The following FAM167A variants were observed in gnomAD, a reference collection of about 807,000 sequenced individuals.
FAM167A encodes protein FAM167A.
A neutral mutation model predicts 14.9 loss-of-function variants in FAM167A; 23 were observed. The observed-to-expected ratio is 1.55, with a 90% confidence interval of 1.11 to 2.19. FAM167A has a LOEUF of 2.19. Ranked by LOEUF, FAM167A falls within the 30% of genes most tolerant of loss-of-function variation. The pLI, the probability that FAM167A is intolerant of heterozygous loss-of-function variation, is 0.00. For missense variants in FAM167A, 401 were observed against 281.5 expected, an observed-to-expected ratio of 1.42 and a Z score of -3.04; for synonymous variants, 174 against 117.7, an observed-to-expected ratio of 1.48 and a Z score of -3.10.
intron 1 of FAM167A, chr8:11,445,551 A>C: frequency 1.0e-6 from 1 of 985,536 alleles, no homozygotes; most frequent in Non-Finnish European, 1.2e-6. Context: ...GTGTTCACCT[A>C]AGTGCCCGCA....
chr8:11,461,323 G>C (rs1003456267), intron 1 of FAM167A, among the ~76,000 whole-genome samples: 4 of 152,282 alleles, frequency 2.6e-5, no homozygotes, highest in African/African-American at 9.6e-5. Context: ...AAAAAGAGAA[G>C]GATGTGGTTT....
intron 1 of FAM167A, among the ~76,000 whole-genome samples, chr8:11,456,958 GAA>G: frequency 7.8e-6 from 1 of 128,226 alleles, no homozygotes; most frequent in Non-Finnish European, 1.7e-5. Flanking sequence ...CTGGGTTAGG[GAA>G]GTGGGCGGGG....
intron 1 of FAM167A, among the ~76,000 whole-genome samples, chr8:11,452,801 G>C (rs1396286656): frequency 2.0e-5 from 3 of 152,334 alleles, no homozygotes; most frequent in East Asian, 3.9e-4. Context: ...CTGGGGGAAT[G>C]TGCAGGCACG....
At chr8:11,459,502 C>T (rs1807452970) in intron 1 of FAM167A, among the ~76,000 whole-genome samples, 1 of 152,200 alleles carries the variant, frequency 6.6e-6, no homozygotes, top group South Asian at 2.1e-4. Context: ...GAAGAAGAGA[C>T]CGAGCGCCTC....
At position 11,434,870 on chromosome 8, in the gene FAM167A, C is replaced by A. The variant is rs118087984; in HGVS notation, c.381+9161G>T. 1.5e-4 allele frequency: 54 copies of A among 370,474 alleles called. No individual in the cohort carries two copies. In the East Asian group the frequency reaches 2.9e-3, roughly 20 times the overall value. 22.9% of individuals were successfully genotyped at this position (370,474 alleles called of 1,614,324 possible). A position where few individuals can be genotyped will look rare whatever the true frequency, so the allele number is the denominator to read the frequency against. ...TGAGGAGGTTCTGGAAGCTGTACACCCAAGGAAGACATTCTGTGCCGGAGA... is the reference window on the plus strand; with the variant it reads ...TGAGGAGGTTCTGGAAGCTGTACACACAAGGAAGACATTCTGTGCCGGAGA... On this transcript the variant is annotated intron_variant, in intron 2 of 2. Transcript: ENST00000284486.
chr8:11,466,382 T>C (rs894710662), intron 1 of FAM167A, among the ~76,000 whole-genome samples: 38 of 151,570 alleles, frequency 2.5e-4, no homozygotes, highest in African/African-American at 9.0e-4. Flanking sequence ...AGCTAGGAGA[T>C]GAAGTCCAGC....
intron 1 of FAM167A, among the ~76,000 whole-genome samples, chr8:11,461,371 G>C (rs1205800707): frequency 6.6e-6 from 1 of 152,288 alleles, no homozygotes; most frequent in Admixed American, 6.5e-5. Context: ...GGGATGCCCA[G>C]ACGGGCTAAG....
intron 1 of FAM167A, among the ~76,000 whole-genome samples, chr8:11,458,740 G>T (rs1052410479): frequency 6.6e-6 from 1 of 151,996 alleles, no homozygotes; most frequent in Non-Finnish European, 1.5e-5. Context: ...GAGAAAGCCC[G>T]TCTGTAGTAA....
chr8:11,460,941 A>C (rs1407749713), intron 1 of FAM167A, among the ~76,000 whole-genome samples: 1 of 152,234 alleles, frequency 6.6e-6, no homozygotes, highest in Non-Finnish European at 1.5e-5. Flanking sequence ...ATGCTGAATA[A>C]TTGATGGGCT....
rs201769306 is a variant in FAM167A, at chr8:11,449,935, TG to T, written c.-397-5128del. Among the ~76,000 whole-genome samples, 1,433 of 152,328 alleles carry T rather than the reference TG, an allele frequency of 9.4e-3. 8 individuals are homozygous for T. The highest frequency in any genetic ancestry group is 0.015 in the Non-Finnish European group (1,032 of 68,022). ...AAAACGGTCACATCCACTTCCTCGA[TG>T]GGCTCCCAAGGGCAGGGGAAGACGC... On this transcript the variant is annotated intron_variant, in intron 1 of 2. Transcript: ENST00000284486.
At chr8:11,435,465 G>C (rs1014813292) in intron 2 of FAM167A, among the ~76,000 whole-genome samples, 6 of 152,240 alleles carry the variant, frequency 3.9e-5, no homozygotes, top group Non-Finnish European at 7.3e-5. Flanking sequence ...TTAGATGAAT[G>C]AATCAATGAA....
intron 1 of FAM167A, among the ~76,000 whole-genome samples, chr8:11,454,284 G>T (rs555364183): frequency 6.6e-6 from 1 of 152,244 alleles, no homozygotes; most frequent in Non-Finnish European, 1.5e-5. Flanking sequence ...AGCCTGCTGT[G>T]TGTGTCACCA....
At chr8:11,441,374 G>A (rs1806427248) in intron 2 of FAM167A, among the ~76,000 whole-genome samples, 1 of 152,226 alleles carries the variant, frequency 6.6e-6, no homozygotes, top group South Asian at 2.1e-4. Flanking sequence ...TCACCTTAGA[G>A]CTTGTTGGAA....
At chr8:11,425,227 G>C (rs772014871) in intron 2 of FAM167A, among the ~76,000 whole-genome samples, 1 of 152,098 alleles carries the variant, frequency 6.6e-6, no homozygotes, top group Non-Finnish European at 1.5e-5. Flanking sequence ...AAGGCCTTTG[G>C]GTCTATTAAC....
At chr8:11,445,980 T>C (rs1335017946) in intron 1 of FAM167A, among the ~76,000 whole-genome samples, 2 of 145,116 alleles carry the variant, frequency 1.4e-5, no homozygotes, top group African/African-American at 5.2e-5. Context: ...AAAGAGGGAT[T>C]GTTACTGACT....
upstream of FAM167A, among the ~76,000 whole-genome samples, chr8:11,468,642 T>C (rs1442618732): frequency 6.6e-6 from 1 of 152,248 alleles, no homozygotes; most frequent in African/African-American, 2.4e-5. Flanking sequence ...CATTGCTCAC[T>C]GGTGTGCCCA....
At chr8:11,438,185 C>G in intron 2 of FAM167A, 1 of 454,084 alleles carries the variant, frequency 2.2e-6, no homozygotes, top group Non-Finnish European at 4.4e-6. Context: ...CTCTCAGCCC[C>G]GGAATCGCCA....
upstream of FAM167A, among the ~76,000 whole-genome samples, chr8:11,470,216 A>C (rs1195473278): frequency 5.3e-5 from 8 of 151,994 alleles, no homozygotes; most frequent in Non-Finnish European, 1.5e-5. Flanking sequence ...AAGAGTGTGC[A>C]CGTTTTCAGG....
chr8:11,453,913 G>A (rs1807127916), intron 1 of FAM167A, among the ~76,000 whole-genome samples: 4 of 152,178 alleles, frequency 2.6e-5, no homozygotes, highest in Admixed American at 2.0e-4. Context: ...CTAAGGCCCG[G>A]GGCTCCTCAG....
Sources: allele counts gnomAD v4.1 joint callset (sites outside exome capture counted in the v4.1 genomes callset), GRCh38; gene constraint gnomAD v4.1.1; transcripts MANE v1.5; gene names NCBI Gene and HGNC (gene_info 2026-07-23, HGNC 2026-07-21).